The following MARCHF1 variants were observed in gnomAD, a reference collection of about 807,000 sequenced individuals.
MARCHF1 encodes the protein E3 ubiquitin-protein ligase MARCHF1.
MARCHF1 carries 40 observed loss-of-function variants against 54.2 expected under a neutral mutation model. That is an observed-to-expected ratio of 0.74 (90% CI 0.57 to 0.96). The LOEUF (loss-of-function observed/expected upper bound fraction) is 0.96. Ranked by LOEUF, MARCHF1 falls within the 40% of genes least tolerant of loss-of-function variation. The pLI is 0.00. For missense variants in MARCHF1, 586 were observed against 656.5 expected (o/e 0.89, Z 1.17); for synonymous variants, 236 against 236.3 (o/e 1.00, Z 0.01).
Position 163,527,682 on chromosome 4 carries a change from C to CA in MARCHF1, c.*1065dup, listed in dbSNP as rs1339150006. 2.0e-5 allele frequency: 3 copies of CA among 152,004 alleles called. No individual in the cohort carries two copies. The highest frequency in any genetic ancestry group is 4.4e-5 in the Non-Finnish European group (3 of 67,944). The allele number at this position is 152,004 out of a possible 1,614,324, so 9.4% of individuals were successfully genotyped here. A position where few individuals can be genotyped will look rare whatever the true frequency, so the allele number is the denominator to read the frequency against. ...AATTAAACTGTTTTGAAATACTCAACAACTGTTAAATAAAGCAGAAGCTTA... is the reference window on the plus strand; with the variant it reads ...AATTAAACTGTTTTGAAATACTCAACAAACTGTTAAATAAAGCAGAAGCTTA... On this transcript the variant is annotated 3_prime_UTR_variant, in exon 10 of 10. Transcript: ENST00000514618.
At chr4:163,620,007 A>G (rs1661305660) in intron 5 of MARCHF1, among the ~76,000 whole-genome samples, 1 of 152,158 alleles carries the variant, frequency 6.6e-6, no homozygotes, top group South Asian at 2.1e-4. Context: ...GCCTCATTTT[A>G]TTGCATATAT....
intron 1 of MARCHF1, among the ~76,000 whole-genome samples, chr4:164,345,344 A>C (rs1730058222): frequency 6.6e-6 from 1 of 152,066 alleles, no homozygotes; most frequent in African/African-American, 2.4e-5. Context: ...AGGCCAAAGG[A>C]TCACTTGAGT....
chr4:164,279,080 T>A (rs374250423), intron 1 of MARCHF1, among the ~76,000 whole-genome samples: 5 of 151,018 alleles, frequency 3.3e-5, no homozygotes, highest in East Asian at 1.9e-4. Context: ...ATAAAAAATC[T>A]AAAATGTGCT....
intron 3 of MARCHF1, among the ~76,000 whole-genome samples, chr4:163,899,635 C>T (rs1203983210): frequency 6.6e-6 from 1 of 152,012 alleles, no homozygotes; most frequent in Non-Finnish European, 1.5e-5. Flanking sequence ...ATGTCCATAT[C>T]CCAGGCCTCT....
At chr4:163,860,423 AC>A (rs1560792172) in intron 3 of MARCHF1, among the ~76,000 whole-genome samples, 1 of 152,196 alleles carries the variant, frequency 6.6e-6, no homozygotes, top group Non-Finnish European at 1.5e-5. Context: ...ACCGTGAAAT[AC>A]CCCCAAACAG....
intron 2 of MARCHF1, among the ~76,000 whole-genome samples, chr4:164,013,813 C>G (rs1753478586): frequency 6.6e-6 from 1 of 152,136 alleles, no homozygotes; most frequent in Non-Finnish European, 1.5e-5. Flanking sequence ...GAAATAAAGA[C>G]TTTCCTATAC....
intron 1 of MARCHF1, among the ~76,000 whole-genome samples, chr4:164,121,015 T>C (rs1756054904): frequency 6.6e-6 from 1 of 151,178 alleles, no homozygotes; most frequent in East Asian, 1.9e-4. Flanking sequence ...ATAAAGGAAA[T>C]AAAAAATATC....
intron 3 of MARCHF1, among the ~76,000 whole-genome samples, chr4:163,973,237 C>A (rs1752585117): frequency 6.6e-6 from 1 of 152,206 alleles, no homozygotes; most frequent in African/African-American, 2.4e-5. Flanking sequence ...CAACAACTTG[C>A]ATTTTATTTA....
intron 7 of MARCHF1, among the ~76,000 whole-genome samples, chr4:163,590,768 T>C (rs916269187): frequency 3.3e-5 from 5 of 152,098 alleles, no homozygotes; most frequent in Admixed American, 2.6e-4. Context: ...TGATTCCTGT[T>C]AGCTTAGAGG....
intron 3 of MARCHF1, among the ~76,000 whole-genome samples, chr4:163,937,067 C>T (rs1425100661): frequency 6.6e-6 from 1 of 152,150 alleles, no homozygotes; most frequent in Admixed American, 6.6e-5. Flanking sequence ...CTCACGTATT[C>T]ATCTCTAATT....
At chr4:164,162,813 C>T (rs1730275328) in intron 1 of MARCHF1, among the ~76,000 whole-genome samples, 2 of 151,958 alleles carry the variant, frequency 1.3e-5, no homozygotes, top group African/African-American at 2.4e-5. Context: ...AAGAAGAAAA[C>T]AGTATTTAGC....
chr4:163,980,492 G>C (rs925048582), intron 3 of MARCHF1, among the ~76,000 whole-genome samples: 3 of 151,650 alleles, frequency 2.0e-5, no homozygotes, highest in Admixed American at 1.3e-4. Flanking sequence ...AAAAGCAATG[G>C]CAACAAAAGC....
intron 1 of MARCHF1, among the ~76,000 whole-genome samples, chr4:164,292,341 T>C (rs1431811082): frequency 6.6e-6 from 1 of 152,160 alleles, no homozygotes; most frequent in Non-Finnish European, 1.5e-5. Flanking sequence ...GCGTTTTTTT[T>C]CATACAGAAT....
At chr4:164,314,341 C>A (rs1734942750) in intron 1 of MARCHF1, among the ~76,000 whole-genome samples, 1 of 152,192 alleles carries the variant, frequency 6.6e-6, no homozygotes, top group Non-Finnish European at 1.5e-5. Context: ...TTGTGCATCA[C>A]ACTTCTCTAG....
intron 4 of MARCHF1, among the ~76,000 whole-genome samples, chr4:163,761,326 A>G (rs1746819813): frequency 6.6e-6 from 1 of 152,194 alleles, no homozygotes; most frequent in South Asian, 2.1e-4. Context: ...AGAGAAGGGA[A>G]GATGGATATA....
chr4:163,706,827 GA>G (rs148134708), intron 4 of MARCHF1, among the ~76,000 whole-genome samples: 3 of 151,694 alleles, frequency 2.0e-5, no homozygotes, highest in Admixed American at 2.0e-4. Flanking sequence ...AGAAAATAAT[GA>G]AAAAAAGGAG....
intron 2 of MARCHF1, among the ~76,000 whole-genome samples, chr4:163,990,171 T>C (rs564954062): frequency 6.6e-6 from 1 of 152,202 alleles, no homozygotes; most frequent in South Asian, 2.1e-4. Context: ...AACATTTCAA[T>C]GTATTTACAA....
In MARCHF1 at chr4:164,211,331, G is replaced by GTATATATATATATATA. The variant is rs10604337; in HGVS notation, c.-322-99685_-322-99670dup. The stretch of plus-strand genomic sequence containing the variant: ...AACCTGCATATGTGTATGTATGTAT[G>GTATATATATATATATA]TATATATATATATATATATATATAC... On this transcript the variant is annotated intron_variant, in intron 1 of 9. Coordinates refer to ENST00000514618, the MANE Select transcript of MARCHF1 (RefSeq NM_001394959.1). 5.2e-5 allele frequency among the ~76,000 whole-genome samples: 6 copies of GTATATATATATATATA among 115,982 alleles called. No individual in the cohort carries two copies. In the East Asian group the frequency reaches 8.6e-4, roughly 17 times the overall value. 76.1% of individuals were successfully genotyped at this position (115,982 alleles called of 152,430 possible). A position where few individuals can be genotyped will look rare whatever the true frequency, so the allele number is the denominator to read the frequency against.
intron 1 of MARCHF1, chr4:164,188,301 G>C (rs1160480827): frequency 9.4e-6 from 3 of 318,270 alleles, no homozygotes; most frequent in Non-Finnish European, 1.8e-5. Context: ...TGAGAGGCGG[G>C]TAACCGCGCT....
Sources: gnomAD v4.1 joint callset for allele counts (sites outside exome capture counted in the v4.1 genomes callset) on GRCh38, gnomAD v4.1.1 for gene constraint, MANE v1.5 for transcripts, NCBI Gene and HGNC (gene_info 2026-07-23, HGNC 2026-07-21) for gene names.